Variants in SEPTIN9 observed in about 807,000 individuals in gnomAD.
SEPTIN9 encodes septin 9.
Under a neutral mutation model 56.6 loss-of-function variants are expected in SEPTIN9, and 13 were observed. That is an observed-to-expected ratio of 0.23 (90% CI 0.15 to 0.37). The LOEUF is 0.37. Among genes scored for constraint, SEPTIN9 ranks in the 10% least tolerant of loss-of-function variants. The pLI is 1.00. For synonymous variants in SEPTIN9, 332 were observed against 334.1 expected (o/e 0.99, Z 0.07); for missense variants, 650 against 823.1 (o/e 0.79, Z 2.57).
In SEPTIN9 at chr17:77,369,004, G is replaced by A. The variant is rs1311028351; in HGVS notation, c.77-33055G>A. Among the ~76,000 whole-genome samples the A allele has an allele frequency of 6.6e-6, 1 of 152,216 alleles. No homozygotes were observed. Among genetic ancestry groups the A allele is most frequent in the Non-Finnish European group, 1.5e-5 (1 of 68,050 alleles). ...TGCCTGTAATCCCAGCACTTTGGGA[G>A]GCCAAGGCAGGCAGATCATCTGAGT... On this transcript the variant is annotated intron_variant, in intron 2 of 11. Coordinates refer to ENST00000427177, the MANE Select transcript of SEPTIN9 (RefSeq NM_001113491.2). This position sits in a 1 kb window ranked among gnomAD's most constrained non-coding sequence, Gnocchi z 4.9.
intron 2 of SEPTIN9, among the ~76,000 whole-genome samples, chr17:77,401,101 T>C (rs984338451): frequency 3.9e-5 from 6 of 152,164 alleles, no homozygotes; most frequent in African/African-American, 1.2e-4. Flanking sequence ...GGTTAGAACC[T>C]TGGGCTCTGG....
At chr17:77,307,118 T>C in intron 1 of SEPTIN9, 23 bp from the exon 2 acceptor site, 1 of 1,613,260 alleles carries the variant, frequency 6.2e-7, no homozygotes, top group Non-Finnish European at 8.5e-7. Context: ...TGTGTGACCT[T>C]TGCCCTTTGT....
At chr17:77,306,985 T>C (rs2032293923) in intron 1 of SEPTIN9, among the ~76,000 whole-genome samples, 156 bp from the exon 2 acceptor site, 1 of 152,188 alleles carries the variant, frequency 6.6e-6, no homozygotes, top group Admixed American at 6.5e-5. Flanking sequence ...CAGGGTTACC[T>C]GGGGGAGTAG....
Position 77,330,818 on chromosome 17 carries a change from A to G in SEPTIN9, c.76+23621A>G. 6.6e-6 allele frequency among the ~76,000 whole-genome samples: 1 copy of G among 152,176 alleles called. No individual in the cohort carries two copies. The highest frequency in any genetic ancestry group is 1.9e-4 in the East Asian group (1 of 5,196). On this transcript the variant is annotated intron_variant, in intron 2 of 11. Transcript: ENST00000427177. This position sits in a 1 kb window ranked among gnomAD's most constrained non-coding sequence, Gnocchi z 4.4. ...TGGCGTTGTCTTTCCTCAGAGTTGC[A>G]CTGTCTCCTTCACTGTCCCTGCCTG...
chr17:77,475,202 G>T lies in SEPTIN9; in HGVS notation c.722-6942G>T, dbSNP rs565976801. On this transcript the variant is annotated intron_variant, in intron 3 of 11. Transcript: ENST00000427177. This position sits in a 1 kb window ranked among gnomAD's most constrained non-coding sequence, Gnocchi z 4.6. ...GTGTCTGGCTTCACAAACCCTGTGT[G>T]GGGGGGTTGTGGTGAGAGGAAACCG... 39 of 1,219,306 alleles carry T rather than the reference G, an allele frequency of 3.2e-5. 1 individual carries two copies. The South Asian group carries it at 6.1e-4, about 19-fold the overall frequency. 75.5% of individuals were successfully genotyped at this position (1,219,306 alleles called of 1,614,324 possible). A position where few individuals can be genotyped will look rare whatever the true frequency, so the allele number is the denominator to read the frequency against.
intron 1 of SEPTIN9, chr17:77,288,077 G>T (rs773584029): frequency 4.6e-5 from 49 of 1,063,574 alleles, no homozygotes; most frequent in Non-Finnish European, 5.4e-5. Context: ...GGCACGGAGG[G>T]CCAGAAAGTC....
At chr17:77,307,289 C>A in intron 2 of SEPTIN9, 92 bp downstream of exon 2, 1 of 1,167,724 alleles carries the variant, frequency 8.6e-7, no homozygotes, top group Non-Finnish European at 1.3e-6. Context: ...GCCTCCCCAC[C>A]TGGCTTCCCT....
chr17:77,488,350 A>C, intron 6 of SEPTIN9, 29 bp downstream of exon 6: 1 of 1,591,992 alleles, frequency 6.3e-7, no homozygotes, highest in Non-Finnish European at 8.6e-7. Flanking sequence ...GAGGAGCACT[A>C]GCGGGGGCTT....
intron 1 of SEPTIN9, among the ~76,000 whole-genome samples, chr17:77,290,127 A>T (rs1055946261): frequency 6.6e-6 from 1 of 152,158 alleles, no homozygotes; most frequent in African/African-American, 2.4e-5. Context: ...CTCCTCCTTG[A>T]TGGTGTGGGT....
At position 77,369,754 on chromosome 17, in the gene SEPTIN9, G is replaced by A. The variant is rs575402144; in HGVS notation, c.77-32305G>A. Among the ~76,000 whole-genome samples the A allele has an allele frequency of 1.3e-4, 20 of 152,306 alleles. No homozygotes were observed. The highest frequency in any genetic ancestry group is 2.0e-4 in the Admixed American group (3 of 15,306). ...GGGAGAAAGCCCCTCACCTTCCTTC[G>A]CTCTCCGAGCCTCTTTTGCTTCCCT... On this transcript the variant is annotated intron_variant, in intron 2 of 11. Coordinates refer to ENST00000427177, the MANE Select transcript of SEPTIN9 (RefSeq NM_001113491.2). This position sits in a 1 kb window ranked among gnomAD's most constrained non-coding sequence, Gnocchi z 4.9.
At chr17:77,339,582 T>G (rs1316045740) in intron 2 of SEPTIN9, among the ~76,000 whole-genome samples, 1 of 151,976 alleles carries the variant, frequency 6.6e-6, no homozygotes, top group Non-Finnish European at 1.5e-5. Flanking sequence ...TGATCTCGGC[T>G]CATTGTAACC....
At chr17:77,303,794 A>G (rs769797589) in intron 1 of SEPTIN9, among the ~76,000 whole-genome samples, 6 of 152,074 alleles carry the variant, frequency 3.9e-5, no homozygotes, top group Non-Finnish European at 8.8e-5. Flanking sequence ...GGAACAACCT[A>G]TGAGTAAGCA....
At chr17:77,478,106 C>T (rs1047909661) in intron 3 of SEPTIN9, among the ~76,000 whole-genome samples, 7 of 152,008 alleles carry the variant, frequency 4.6e-5, no homozygotes, top group Non-Finnish European at 1.0e-4. Context: ...GCTGGCCTGG[C>T]CACTTACAGT....
At position 77,451,982 on chromosome 17, in the gene SEPTIN9, G is replaced by A. The variant is rs560514321; in HGVS notation, c.722-30162G>A. Among the ~76,000 whole-genome samples the A allele has an allele frequency of 5.3e-5, 8 of 152,336 alleles. No individual in the cohort carries two copies. The South Asian group carries it at 1.7e-3, about 32-fold the overall frequency. On this transcript the variant is annotated intron_variant, in intron 3 of 11. Coordinates refer to ENST00000427177, the MANE Select transcript of SEPTIN9 (RefSeq NM_001113491.2). This position sits in a 1 kb window ranked among gnomAD's most constrained non-coding sequence, Gnocchi z 4.2. The stretch of plus-strand genomic sequence containing the variant: ...CTGGGCTCCCGAAGACCGGCTGGCT[G>A]GAGGCTGGAGATAGTCTCAATGCTC...
chr17:77,485,590 T>C (rs920566633), intron 4 of SEPTIN9, among the ~76,000 whole-genome samples: 1 of 151,926 alleles, frequency 6.6e-6, no homozygotes, highest in African/African-American at 2.4e-5. Context: ...GGGATACACC[T>C]TGCAGTATCC....
In SEPTIN9 at chr17:77,433,593, C is replaced by T. The variant is rs1230052166; in HGVS notation, c.721+30890C>T. 1.3e-5 allele frequency among the ~76,000 whole-genome samples: 2 copies of T among 151,986 alleles called. No homozygotes were observed. Among genetic ancestry groups the T allele is most frequent in the African/African-American group, 2.4e-5 (1 of 41,362 alleles). On this transcript the variant is annotated intron_variant, in intron 3 of 11. Transcript: ENST00000427177. The surrounding 1 kb of genome is among the most constrained non-coding windows in gnomAD (Gnocchi z 6.4). ...ATAGCAGCATCGTCCCCCTCACTGT[C>T]CTGGCTTGCTTTCAATAGGCCAGAG...
At chr17:77,410,542 GCACCGGCTT>G (rs1057456571) in intron 3 of SEPTIN9, among the ~76,000 whole-genome samples, 1 of 152,214 alleles carries the variant, frequency 6.6e-6, no homozygotes, top group African/African-American at 2.4e-5. Flanking sequence ...TGGCAGAGGA[GCACCGGCTT>G]TGCCCTCACA....
chr17:77,482,418 G>T, intron 4 of SEPTIN9, 83 bp downstream of exon 4: 1 of 1,397,952 alleles, frequency 7.2e-7, no homozygotes. Flanking sequence ...CTTTGGGCTT[G>T]GTCTTCCCTT....
chr17:77,484,755 T>A, intron 4 of SEPTIN9, among the ~76,000 whole-genome samples: 4 of 105,386 alleles, frequency 3.8e-5, no homozygotes, highest in African/African-American at 1.9e-4. Context: ...GTGGTTGTGA[T>A]GGTGGTGATG....
Sources: gnomAD v4.1 joint callset for allele counts (sites outside exome capture counted in the v4.1 genomes callset) on GRCh38, gnomAD v4.1.1 for gene constraint, Gnocchi (gnomAD v3.1) non-coding constraint, MANE v1.5 for transcripts, NCBI Gene and HGNC (gene_info 2026-07-23, HGNC 2026-07-21) for gene names.